The following ZNF875 variants were observed in gnomAD, a reference collection of about 807,000 sequenced individuals.
ZNF875 encodes zinc finger protein 875, also known as HKR1, GLI-Kruppel zinc finger family member.
Under a neutral mutation model 11.2 loss-of-function variants are expected in ZNF875, and 14 were observed. That is an observed-to-expected ratio of 1.26 (90% confidence interval 0.83 to 1.96). The LOEUF (loss-of-function observed/expected upper bound fraction) is 1.96. Ranked by LOEUF, ZNF875 falls within the 30% of genes most tolerant of loss-of-function variation. ZNF875 has a pLI of 0.00. For missense variants in ZNF875, 752 were observed against 760.4 expected (o/e 0.99, Z 0.13); for synonymous variants, 301 against 281.1 (o/e 1.07, Z -0.71).
upstream of ZNF875, among the ~76,000 whole-genome samples, chr19:37,317,533 G>C (rs930175423): frequency 6.6e-6 from 1 of 152,206 alleles, no homozygotes; most frequent in African/African-American, 2.4e-5. Flanking sequence ...TGTGTTCACC[G>C]GGAGGTGGGC....
In ZNF875 at chr19:37,363,247, TAACA is replaced by T. The variant is rs757065327; in HGVS notation, c.1400_1403del (p.Lys467ThrfsTer26). On this transcript the variant is annotated frameshift_variant, in exon 5 of 5. Coordinates refer to ENST00000392153, the MANE Select transcript of ZNF875 (RefSeq NM_001353803.2). LOFTEE classifies it low-confidence loss of function (END_TRUNC). Reference sequence around the variant, plus strand: ...AGTGCTTTAGCCTGAAGTCAAACCTTAACAAACACCAGAGGTCACACACGGGGGA... The same window carrying T: ...AGTGCTTTAGCCTGAAGTCAAACCTTAACACCAGAGGTCACACACGGGGGA... 2 of 1,610,594 alleles carry T rather than the reference TAACA, an allele frequency of 1.2e-6. No homozygotes were observed. The highest frequency in any genetic ancestry group is 1.7e-6 in the Non-Finnish European group (2 of 1,178,996).
upstream of ZNF875, among the ~76,000 whole-genome samples, chr19:37,314,549 G>A: frequency 6.6e-6 from 1 of 152,262 alleles, no homozygotes; most frequent in Non-Finnish European, 1.5e-5. Flanking sequence ...CTTGGACTGG[G>A]TATGGTGGCT....
intron 4 of ZNF875, among the ~76,000 whole-genome samples, chr19:37,357,244 T>C (rs976118167): frequency 1.3e-5 from 2 of 152,216 alleles, no homozygotes; most frequent in Non-Finnish European, 2.9e-5. Flanking sequence ...ATAGTCAAAG[T>C]CAGGTAATGT....
At position 37,349,870 on chromosome 19, in the gene ZNF875, G is replaced by T. The variant is rs141761902; in HGVS notation, c.256+1998G>T. 2.9e-3 allele frequency among the ~76,000 whole-genome samples: 444 copies of T among 151,962 alleles called. 2 individuals are homozygous for T. The highest frequency in any genetic ancestry group is 0.01 in the African/African-American group (429 of 41,462). ...GGGTTTCACCATGTTGGCCAGGCTG[G>T]TCTTGAACTGCTGACCTGAAGTGAT... On this transcript the variant is annotated intron_variant, in intron 4 of 4. Coordinates refer to ENST00000392153, the MANE Select transcript of ZNF875 (RefSeq NM_001353803.2).
chr19:37,346,957 A>G, intron 2 of ZNF875: 1 of 432,924 alleles, frequency 2.3e-6, no homozygotes. Context: ...AACTGGGATT[A>G]CAGGCATGCG....
chr19:37,350,237 G>A (rs1032443722), intron 4 of ZNF875, among the ~76,000 whole-genome samples: 1 of 147,418 alleles, frequency 6.8e-6, no homozygotes, highest in East Asian at 2.1e-4. Flanking sequence ...TCAGCCTCCC[G>A]AGTAGCTGGG....
rs572775539 is a variant in ZNF875 at position 37,339,544 on chromosome 19, G to GTTTT, written c.33+4304_33+4307dup. ...GCAGTTGGAGATTTGAACCCTGCCA[G>GTTTT]TTTTTTTTTTTTTTTTTTTTGAGAC... On this transcript the variant is annotated intron_variant, in intron 2 of 4. Transcript: ENST00000392153. Among the ~76,000 whole-genome samples, 58 of 115,730 alleles carry GTTTT rather than the reference G, an allele frequency of 5.0e-4. 4 individuals carry two copies. Among genetic ancestry groups the GTTTT allele is most frequent in the African/African-American group, 7.7e-4 (23 of 29,742 alleles). The allele number at this position is 115,730 out of a possible 152,430, so 75.9% of individuals were successfully genotyped here.
chr19:37,359,026 G>A (rs1255163611), intron 4 of ZNF875, among the ~76,000 whole-genome samples: 1 of 151,786 alleles, frequency 6.6e-6, no homozygotes, highest in Non-Finnish European at 1.5e-5. Flanking sequence ...TCAGCCTCCC[G>A]AGTAGCTGGG....
At chr19:37,350,629 A>AC (rs2037695723) in intron 4 of ZNF875, among the ~76,000 whole-genome samples, 1 of 151,794 alleles carries the variant, frequency 6.6e-6, no homozygotes, top group South Asian at 2.1e-4. Flanking sequence ...TTGTTGCTCT[A>AC]TAGTAGTATG....
At chr19:37,357,442 A>G (rs1471145542) in intron 4 of ZNF875, among the ~76,000 whole-genome samples, 1 of 152,172 alleles carries the variant, frequency 6.6e-6, no homozygotes, top group Admixed American at 6.5e-5. Flanking sequence ...CATTTTAACT[A>G]TATTGATTCT....
At chr19:37,361,387 G>A (rs1049952631) in intron 4 of ZNF875, among the ~76,000 whole-genome samples, 18 of 152,106 alleles carry the variant, frequency 1.2e-4, no homozygotes, top group African/African-American at 4.3e-4. Flanking sequence ...GGGACTACAG[G>A]CGTCATAAGT....
At chr19:37,343,787 G>C (rs948664390) in intron 2 of ZNF875, among the ~76,000 whole-genome samples, 3 of 152,164 alleles carry the variant, frequency 2.0e-5, no homozygotes, top group African/African-American at 4.8e-5. Context: ...ATGAAGGGTA[G>C]AAACAGGGAG....
intron 1 of ZNF875, among the ~76,000 whole-genome samples, chr19:37,321,995 A>G (rs1374719657): frequency 6.6e-6 from 1 of 152,204 alleles, no homozygotes; most frequent in Non-Finnish European, 1.5e-5. Flanking sequence ...GAGGGGTCAA[A>G]GACTCTCCCG....
At chr19:37,348,184 C>G (rs1036710963) in intron 4 of ZNF875, among the ~76,000 whole-genome samples, 4 of 152,198 alleles carry the variant, frequency 2.6e-5, no homozygotes, top group Non-Finnish European at 1.5e-5. Flanking sequence ...AATGTTAAGT[C>G]TACGACACTT....
Position 37,363,408 on chromosome 19 carries a change from C to G in ZNF875, c.1556C>G (p.Ser519Cys). 6.2e-7 allele frequency: 1 copy of G among 1,613,936 alleles called. No individual in the cohort carries two copies. The highest frequency in any genetic ancestry group is 1.3e-5 in the African/African-American group (1 of 74,998). Residue 519 changes from serine to cysteine, a missense_variant, in exon 5 of 5, where the codon TCC (serine) becomes TGC (cysteine). By Grantham distance (112) the Ser-to-Cys change is moderately radical. Transcript: ENST00000392153. ...AECGRGFNDK[S>C]TLISHQRTHS... ...TGTGGACGAGGCTTTAATGATAAGT[C>G]CACCCTCATTTCACACCAGAGGACA...
At chr19:37,326,072 G>A (rs2032381984) in intron 4 of ZNF875, among the ~76,000 whole-genome samples, 1 of 152,066 alleles carries the variant, frequency 6.6e-6, no homozygotes, top group Non-Finnish European at 1.5e-5. Context: ...CAAATTCCTG[G>A]CTCAAGCAGT....
rs1375956317 is a variant in ZNF875, at chr19:37,334,666, C to T, written c.-173C>T. The T allele has an allele frequency of 2.2e-6, 1 of 455,916 alleles. No homozygotes were observed. The highest frequency in any genetic ancestry group is 4.4e-6 in the Non-Finnish European group (1 of 226,790). The allele number at this position is 455,916 out of a possible 1,614,324, so 28.2% of individuals were successfully genotyped here. Reference sequence around the variant, plus strand: ...TCAGAAACACTTCCGGTCGGTGGCCCAGGCGCGTTAAGCTGGTTGGGACCC... The same window carrying T: ...TCAGAAACACTTCCGGTCGGTGGCCTAGGCGCGTTAAGCTGGTTGGGACCC... On this transcript the variant is annotated 5_prime_UTR_variant, in exon 1 of 5. Coordinates refer to ENST00000392153, the MANE Select transcript of ZNF875 (RefSeq NM_001353803.2).
chr19:37,347,735 G>A lies in ZNF875; in HGVS notation c.161-42G>A, dbSNP rs112714662. The A allele has an allele frequency of 5.5e-6, 7 of 1,278,436 alleles. No individual in the cohort carries two copies. The African/African-American group carries it at 5.8e-5, about 11-fold the overall frequency. The allele number at this position is 1,278,436 out of a possible 1,614,324, so 79.2% of individuals were successfully genotyped here. A position where few individuals can be genotyped will look rare whatever the true frequency, so the allele number is the denominator to read the frequency against. On this transcript the variant is annotated intron_variant, in intron 3 of 4. Transcript: ENST00000392153. ...TCTGAGTTCTAGAATGCCCTCTTGA[G>A]CCCATAACCAACAATGTCCTCATTT...
In ZNF875 at chr19:37,347,664, A is replaced by G. The variant is rs986997224; in HGVS notation, c.161-113A>G. 8 of 702,000 alleles carry G rather than the reference A, an allele frequency of 1.1e-5. No homozygotes were observed. The African/African-American group carries it at 1.2e-4, about 11-fold the overall frequency. 43.5% of individuals were successfully genotyped at this position (702,000 alleles called of 1,614,324 possible). On this transcript the variant is annotated intron_variant, in intron 3 of 4. Transcript: ENST00000392153. ...ACCCTTCTACTTCAGAGAGAGAACT[A>G]TTCATAGGTCTTTTTTATCCTCTGG...
Sources: allele counts gnomAD v4.1 joint callset (sites outside exome capture counted in the v4.1 genomes callset), GRCh38; gene constraint gnomAD v4.1.1; transcripts MANE v1.5; gene names NCBI Gene and HGNC (gene_info 2026-07-23, HGNC 2026-07-21).